Variants in PLEKHG3 observed in about 807,000 individuals in gnomAD.
The protein encoded by PLEKHG3 is pleckstrin homology and RhoGEF domain containing G3.
Under a neutral mutation model 94.9 loss-of-function variants are expected in PLEKHG3, and 62 were observed. That is an observed-to-expected ratio of 0.65 (90% CI 0.53 to 0.81). The LOEUF (loss-of-function observed/expected upper bound fraction) is 0.81. Among genes scored for constraint, PLEKHG3 ranks in the 30% least tolerant of loss-of-function variants. The probability of loss-of-function intolerance (pLI) is 0.00; values close to 1 mark genes in which losing one functional copy is unlikely to be tolerated. For missense variants in PLEKHG3, 1,461 were observed against 1,619.3 expected (o/e 0.90, Z 1.68); for synonymous variants, 614 against 654.0 (o/e 0.94, Z 0.93).
chr14:64,728,605 C>A lies in PLEKHG3; in HGVS notation c.352-391C>A, dbSNP rs2081398152. Among the ~76,000 whole-genome samples the A allele has an allele frequency of 6.6e-6, 1 of 152,222 alleles. No individual in the cohort carries two copies. The highest frequency in any genetic ancestry group is 1.5e-5 in the Non-Finnish European group (1 of 68,042). On this transcript the variant is annotated intron_variant, in intron 2 of 16. Transcript: ENST00000247226. This position sits in a 1 kb window ranked among gnomAD's most constrained non-coding sequence, Gnocchi z 5.9. Reference sequence around the variant, plus strand: ...CCTCTGAGGGAGTAGGCATTCTATGCCTGTCATCCAGCTTCTGGGGTCCTG... The same window carrying A: ...CCTCTGAGGGAGTAGGCATTCTATGACTGTCATCCAGCTTCTGGGGTCCTG...
rs1300276519 is a variant in PLEKHG3 at position 64,738,112 on chromosome 14, A to G, written c.1405-630A>G. ...TCAGAGGAGGAGGAGGAGGAGCAGG[A>G]GGAGAGCCTGGCGGTGGCGGAGCAG... On this transcript the variant is annotated intron_variant, in intron 14 of 16. Coordinates refer to ENST00000247226, the MANE Select transcript of PLEKHG3 (RefSeq NM_001308147.2). The surrounding 1 kb of genome is among the most constrained non-coding windows in gnomAD (Gnocchi z 4.8). 1 of 1,303,554 alleles carries G rather than the reference A, an allele frequency of 7.7e-7. No homozygotes were observed. Among genetic ancestry groups the G allele is most frequent in the Admixed American group, 2.2e-5 (1 of 45,044 alleles). The allele number at this position is 1,303,554 out of a possible 1,614,324, so 80.7% of individuals were successfully genotyped here. A position where few individuals can be genotyped will look rare whatever the true frequency, so the allele number is the denominator to read the frequency against.
In PLEKHG3 at chr14:64,730,282, C is replaced by T. The variant is rs767877128; in HGVS notation, c.489C>T (p.Pro163=). 52 of 1,535,246 alleles carry T rather than the reference C, an allele frequency of 3.4e-5. No individual in the cohort carries two copies. In the South Asian group the frequency reaches 3.8e-4, roughly 11 times the overall value. Residue 163 remains proline, a synonymous_variant, in exon 4 of 17, where the codon CCC becomes CCT. Coordinates refer to ENST00000247226, the MANE Select transcript of PLEKHG3 (RefSeq NM_001308147.2). The surrounding 1 kb of genome is among the most constrained non-coding windows in gnomAD (Gnocchi z 5.4). ...LRDLDSCNSD[P]VAVASCFVER... is the part of the protein sequence containing the mutation. ...ACCTGGACAGCTGCAATAGTGACCC[C>T]GTGGCTGTGGCCAGCTGCTTTGTGG...
chr14:64,731,783 A>C lies in PLEKHG3; in HGVS notation c.1102A>C (p.Ser368Arg). 6.2e-7 allele frequency: 1 copy of C among 1,613,334 alleles called. No homozygotes were observed. Among genetic ancestry groups the C allele is most frequent in the South Asian group, 1.1e-5 (1 of 91,062 alleles). Residue 368 changes from serine to arginine, a missense_variant, in exon 9 of 17, where the codon AGC becomes CGC. Ser to Arg is a moderately radical substitution (Grantham distance 110, BLOSUM62 -1). Transcript: ENST00000247226. The surrounding 1 kb of genome is among the most constrained non-coding windows in gnomAD (Gnocchi z 6.1). Reference protein sequence around the residue: ...LCFTVTHYKHSKQQYSIQAKT... With the variant: ...LCFTVTHYKHRKQQYSIQAKT... ...CTTCACTGTCACCCACTACAAGCAC[A>C]GCAAGCAGCAGTACAGCATCCAGGT...
rs918614844 is a variant in PLEKHG3, at chr14:64,723,216, T to C, written c.-39-4377T>C. Among the ~76,000 whole-genome samples the C allele has an allele frequency of 4.6e-5, 7 of 152,080 alleles. No homozygotes were observed. The highest frequency in any genetic ancestry group is 1.7e-4 in the African/African-American group (7 of 41,408). The stretch of plus-strand genomic sequence containing the variant: ...GAAAAAGAAAAGAAACCTCCCTCTC[T>C]CCCCCTCTTCTGCCCCTGGATCCTT... On this transcript the variant is annotated intron_variant, in intron 1 of 16. Coordinates refer to ENST00000247226, the MANE Select transcript of PLEKHG3 (RefSeq NM_001308147.2). The surrounding 1 kb of genome is among the most constrained non-coding windows in gnomAD (Gnocchi z 4.5).
Position 64,715,985 on chromosome 14 carries a change from T to G in PLEKHG3, c.-40+11281T>G, listed in dbSNP as rs1294754497. 1 of 452,490 alleles carries G rather than the reference T, an allele frequency of 2.2e-6. No individual in the cohort carries two copies. The highest frequency in any genetic ancestry group is 4.4e-6 in the Non-Finnish European group (1 of 225,716). The allele number at this position is 452,490 out of a possible 1,614,324, so 28.0% of individuals were successfully genotyped here. On this transcript the variant is annotated intron_variant, in intron 1 of 16. Transcript: ENST00000247226. This position sits in a 1 kb window ranked among gnomAD's most constrained non-coding sequence, Gnocchi z 4.4. ...GAGGCTGTTGGTGGCAGCTCGCTGC[T>G]CACCCCAAGCCTGTTAACTGCTAGG...
At chr14:64,733,752 G>C (rs1468292945) in intron 12 of PLEKHG3, among the ~76,000 whole-genome samples, 1 of 152,248 alleles carries the variant, frequency 6.6e-6, no homozygotes, top group African/African-American at 2.4e-5. Flanking sequence ...TCCTGGACTT[G>C]CTAGGGTGTT....
rs1457232190 is a variant in PLEKHG3 at position 64,717,664 on chromosome 14, C to G, written c.-39-9929C>G. Among the ~76,000 whole-genome samples, 4 of 152,180 alleles carry G rather than the reference C, an allele frequency of 2.6e-5. No individual in the cohort carries two copies. The highest frequency in any genetic ancestry group is 9.7e-5 in the African/African-American group (4 of 41,430). ...GTTCATATTGGGTCTCATTTCTTCC[C>G]CCTTTGCAAGGGTTGGAATGGGTCT... is the stretch of plus-strand genomic sequence containing the variant. On this transcript the variant is annotated intron_variant, in intron 1 of 16. Transcript: ENST00000247226. This position sits in a 1 kb window ranked among gnomAD's most constrained non-coding sequence, Gnocchi z 4.7.
chr14:64,719,441 G>T (rs543905628), intron 1 of PLEKHG3, among the ~76,000 whole-genome samples: 1 of 152,170 alleles, frequency 6.6e-6, no homozygotes, highest in African/African-American at 2.4e-5. Context: ...CAGGTTGGCA[G>T]TATTACTGTG....
rs1025790622 is a variant in PLEKHG3 at position 64,742,453 on chromosome 14, A to G, written c.2936A>G (p.Lys979Arg). Residue 979 changes from lysine (K) to arginine (R), a missense_variant and splice_region_variant, in exon 16 of 17, where the codon AAA becomes AGA. Coordinates refer to ENST00000247226, the MANE Select transcript of PLEKHG3 (RefSeq NM_001308147.2). The part of the protein sequence containing the change: ...QEEAGEPLGG[K>R]GKRKPVLSLF... ...GAGGCTGGAGAGCCATTAGGTGGCAAAGGTATGACAGAAGCGGCAAGTGGG... is the reference window on the plus strand; with the variant it reads ...GAGGCTGGAGAGCCATTAGGTGGCAGAGGTATGACAGAAGCGGCAAGTGGG... 6.3e-7 allele frequency: 1 copy of G among 1,598,474 alleles called. No homozygotes were observed. The highest frequency in any genetic ancestry group is 8.5e-7 in the Non-Finnish European group (1 of 1,170,742).
In PLEKHG3 at chr14:64,731,589, C is replaced by T. The variant is rs752772734; in HGVS notation, c.1032+46C>T. 1.9e-6 allele frequency: 3 copies of T among 1,588,200 alleles called. No individual in the cohort carries two copies. The highest frequency in any genetic ancestry group is 1.7e-5 in the Admixed American group (1 of 59,930). On this transcript the variant is annotated intron_variant, in intron 8 of 16. Transcript: ENST00000247226. The surrounding 1 kb of genome is among the most constrained non-coding windows in gnomAD (Gnocchi z 6.1). Reference sequence around the variant, plus strand: ...CTCCTCTGCCATCTTCTCTCCTTCCCAAAGGATCTGGGCTCCCCTTCTTGT... The same window carrying T: ...CTCCTCTGCCATCTTCTCTCCTTCCTAAAGGATCTGGGCTCCCCTTCTTGT...
chr14:64,712,571 TTGC>T (rs1383113407), intron 1 of PLEKHG3, among the ~76,000 whole-genome samples: 1 of 152,250 alleles, frequency 6.6e-6, no homozygotes, highest in Admixed American at 6.5e-5. Flanking sequence ...TTTATTCTTT[TTGC>T]TGCTATTATA....
In PLEKHG3 at chr14:64,731,925, G is replaced by T; in HGVS notation, c.1125+119G>T. 1.1e-6 allele frequency: 1 copy of T among 879,084 alleles called. No homozygotes were observed. Among genetic ancestry groups the T allele is most frequent in the Admixed American group, 1.9e-5 (1 of 51,680 alleles). The allele number at this position is 879,084 out of a possible 1,614,324, so 54.5% of individuals were successfully genotyped here. A position where few individuals can be genotyped will look rare whatever the true frequency, so the allele number is the denominator to read the frequency against. ...AAGCCCCAGTGTCTCCATCTGTGAGGCAAGGATCATTGCAGGCACCTCTCA... is the reference window on the plus strand; with the variant it reads ...AAGCCCCAGTGTCTCCATCTGTGAGTCAAGGATCATTGCAGGCACCTCTCA... On this transcript the variant is annotated intron_variant, in intron 9 of 16. Coordinates refer to ENST00000247226, the MANE Select transcript of PLEKHG3 (RefSeq NM_001308147.2). The surrounding 1 kb of genome is among the most constrained non-coding windows in gnomAD (Gnocchi z 6.1).
rs750047494 is a variant in PLEKHG3, at chr14:64,749,974, G to A, written c.*6271G>A. On this transcript the variant is annotated 3_prime_UTR_variant, in exon 17 of 17. Transcript: ENST00000247226. This position sits in a 1 kb window ranked among gnomAD's most constrained non-coding sequence, Gnocchi z 4.7. Reference sequence around the variant, plus strand: ...ACCCGAGCTTTCAAAGGCCAGGAAGGCCTCACCTCAGCTTAAAGACGTGCT... The same window carrying A: ...ACCCGAGCTTTCAAAGGCCAGGAAGACCTCACCTCAGCTTAAAGACGTGCT... 5.0e-6 allele frequency: 8 copies of A among 1,614,206 alleles called. No individual in the cohort carries two copies. The highest frequency in any genetic ancestry group is 1.1e-5 in the South Asian group (1 of 91,086).
rs928955577 is a variant in PLEKHG3 at position 64,741,949 on chromosome 14, C to G, written c.2432C>G (p.Ser811Cys). 2 of 1,578,394 alleles carry G rather than the reference C, an allele frequency of 1.3e-6. No homozygotes were observed. Among genetic ancestry groups the G allele is most frequent in the Non-Finnish European group, 1.7e-6 (2 of 1,164,172 alleles). Residue 811 changes from serine (S) to cysteine (C), a missense_variant, in exon 16 of 17, where the codon TCT (serine) becomes TGT (cysteine). This residue lies in a region of PLEKHG3 where 1,201 missense variants were observed against 1,295.5 expected (regional missense o/e 0.93). Coordinates refer to ENST00000247226, the MANE Select transcript of PLEKHG3 (RefSeq NM_001308147.2). ...ATCTCAGATGCTGAGTTCCGCCCAT[C>G]TTCAGAAATTGTGAAGATCTGGGAG... ...PPISDAEFRP[S>C]SEIVKIWEGM...
chr14:64,743,767 C>T lies in PLEKHG3; in HGVS notation c.*64C>T. ...TGGGGAAGAACCTGGGCATCCTTCCCCTCAAGCCTGGGCTCATGGAGCCCC... is the reference window on the plus strand; with the variant it reads ...TGGGGAAGAACCTGGGCATCCTTCCTCTCAAGCCTGGGCTCATGGAGCCCC... On this transcript the variant is annotated 3_prime_UTR_variant, in exon 17 of 17. Coordinates refer to ENST00000247226, the MANE Select transcript of PLEKHG3 (RefSeq NM_001308147.2). The surrounding 1 kb of genome is among the most constrained non-coding windows in gnomAD (Gnocchi z 7.2). 2.0e-6 allele frequency: 3 copies of T among 1,482,854 alleles called. No homozygotes were observed. The highest frequency in any genetic ancestry group is 2.7e-6 in the Non-Finnish European group (3 of 1,120,828). The allele number at this position is 1,482,854 out of a possible 1,614,324, so 91.9% of individuals were successfully genotyped here. A position where few individuals can be genotyped will look rare whatever the true frequency, so the allele number is the denominator to read the frequency against.
At chr14:64,711,523 C>G (rs1270987017) in intron 1 of PLEKHG3, among the ~76,000 whole-genome samples, 1 of 151,886 alleles carries the variant, frequency 6.6e-6, no homozygotes, top group Non-Finnish European at 1.5e-5. Context: ...ATGCCATTCT[C>G]CTGCCTCAGC....
At position 64,739,323 on chromosome 14, in the gene PLEKHG3, G is replaced by C. The variant is rs1008499579; in HGVS notation, c.1518+468G>C. Among the ~76,000 whole-genome samples the C allele has an allele frequency of 1.3e-5, 2 of 152,218 alleles. No homozygotes were observed. The highest frequency in any genetic ancestry group is 2.9e-5 in the Non-Finnish European group (2 of 68,030). Reference sequence around the variant, plus strand: ...CCCCACAATGGCTCTAGAAGGAAAAGGGCACTGAGTGGTTGATGGCGTGCC... The same window carrying C: ...CCCCACAATGGCTCTAGAAGGAAAACGGCACTGAGTGGTTGATGGCGTGCC... On this transcript the variant is annotated intron_variant, in intron 15 of 16. Coordinates refer to ENST00000247226, the MANE Select transcript of PLEKHG3 (RefSeq NM_001308147.2). The surrounding 1 kb of genome is among the most constrained non-coding windows in gnomAD (Gnocchi z 4.1).
rs755770388 is a variant in PLEKHG3 at position 64,742,384 on chromosome 14, C to T, written c.2867C>T (p.Pro956Leu). The T allele has an allele frequency of 5.6e-5, 90 of 1,612,792 alleles. No individual in the cohort carries two copies. The highest frequency in any genetic ancestry group is 7.2e-5 in the Non-Finnish European group (85 of 1,180,024). The change falls in exon 16 of 17, where the codon CCT becomes CTT. Residue 956 changes from proline (P) to leucine (L), a missense_variant. Transcript: ENST00000247226. ...CCACTGCAGTGGGAAAAGGTGGCCC[C>T]TGAGAGGGATGGGAAGAGCCCCACT... ...RPPLQWEKVA[P>L]ERDGKSPTVP...
Position 64,742,198 on chromosome 14 carries a change from G to A in PLEKHG3, c.2681G>A (p.Ser894Asn). 1 of 1,612,974 alleles carries A rather than the reference G, an allele frequency of 6.2e-7. No individual in the cohort carries two copies. The change falls in exon 16 of 17, where the codon AGT becomes AAT. Residue 894 changes from serine to asparagine, a missense_variant. By Grantham distance (46) the Ser-to-Asn change is conservative. Around this residue, in one of 3 missense-constraint regions of PLEKHG3, gnomAD observed 1,201 missense variants for 1,295.5 expected, o/e 0.93. Transcript: ENST00000247226. ...LKELVKELSS[S>N]TQGELVAPLH... ...GAGCTGGTGAAGGAGCTGAGCAGCA[G>A]TACCCAGGGGGAGCTGGTGGCCCCA...
Sources: gnomAD v4.1 joint callset for allele counts (sites outside exome capture counted in the v4.1 genomes callset) on GRCh38, gnomAD v4.1.1 for gene constraint, gnomAD v4.1.1 regional missense constraint, Gnocchi (gnomAD v3.1) non-coding constraint, MANE v1.5 for transcripts, NCBI Gene and HGNC (gene_info 2026-07-23, HGNC 2026-07-21) for gene names.